The following USP17L7 variants were observed in gnomAD, a reference collection of about 807,000 sequenced individuals.
USP17L7 encodes the protein inactive ubiquitin carboxyl-terminal hydrolase 17-like protein 7.
A neutral mutation model predicts 37.6 loss-of-function variants in USP17L7; 53 were observed. The ratio of observed to expected loss-of-function variants is 1.41; its 90% confidence interval spans 1.13 to 1.77. The LOEUF is 1.77. Ranked by LOEUF, USP17L7 falls within the 40% of genes most tolerant of loss-of-function variation. The pLI is 0.00. For synonymous variants in USP17L7, 330 were observed against 251.0 expected, an observed-to-expected ratio of 1.31 and a Z score of -2.98; for missense variants, 914 against 645.0, an observed-to-expected ratio of 1.42 and a Z score of -4.52.
rs1389650747 is a variant in USP17L7 at position 12,133,997 on chromosome 8, A to T, written c.13T>A (p.Ser5Thr). Residue 5 changes from serine to threonine, a missense_variant, in exon 1 of 1, where the codon TCA (serine) becomes ACA (threonine). Ser to Thr is a moderately conservative substitution (Grantham distance 58). Transcript: ENST00000530447. Reference protein sequence around the residue: MEDDSLYLGGDWQFN... With the variant: MEDDTLYLGGDWQFN... ...TGCCAGTCACCTCCCAAATAGAGTG[A>T]GTCGTCTTCCATGTCGCCCGCAACA... 9.3e-7 allele frequency: 1 copy of T among 1,070,130 alleles called. No individual in the cohort carries two copies. Among genetic ancestry groups the T allele is most frequent in the Non-Finnish European group, 1.4e-6 (1 of 712,068 alleles). 66.3% of individuals were successfully genotyped at this position (1,070,130 alleles called of 1,614,324 possible).
At position 12,133,231 on chromosome 8, in the gene USP17L7, T is replaced by A; in HGVS notation, c.779A>T (p.Lys260Met). The change falls in exon 1 of 1, where the codon AAG becomes ATG. Residue 260 changes from lysine to methionine, a missense_variant. Coordinates refer to ENST00000530447, the MANE Select transcript of USP17L7 (RefSeq NM_001256869.2). ...NAYHCGLCLQ[K>M]APASKTLTLP... Reference sequence around the variant, plus strand: ...AGTTAACGTCTTGGAGGCAGGCGCCTTCTGGAGACAAAGACCACAATGATA... The same window carrying A: ...AGTTAACGTCTTGGAGGCAGGCGCCATCTGGAGACAAAGACCACAATGATA... 1 of 1,503,992 alleles carries A rather than the reference T, an allele frequency of 6.6e-7. No homozygotes were observed. The highest frequency in any genetic ancestry group is 2.6e-5 in the East Asian group (1 of 38,558). The allele number at this position is 1,503,992 out of a possible 1,614,324, so 93.2% of individuals were successfully genotyped here.
rs1803038180 is a variant in USP17L7, at chr8:12,133,569, C to A, written c.441G>T (p.Gln147His). The change falls in exon 1 of 1, where the codon CAG becomes CAT. Residue 147 changes from glutamine to histidine, a missense_variant. Gln to His is a conservative substitution (Grantham distance 24). Transcript: ENST00000530447. Reference sequence around the variant, plus strand: ...CTCTATGGAAGCCAGCAGCCAATACCTGTGAGGGCTGGATGACATGGCCAG... The same window carrying A: ...CTCTATGGAAGCCAGCAGCCAATACATGTGAGGGCTGGATGACATGGCCAG... The part of the protein sequence containing the change: ...HSPGHVIQPS[Q>H]VLAAGFHRGE... 1 of 1,376,014 alleles carries A rather than the reference C, an allele frequency of 7.3e-7. No homozygotes were observed. Among genetic ancestry groups the A allele is most frequent in the Non-Finnish European group, 1.0e-6 (1 of 989,610 alleles). The allele number at this position is 1,376,014 out of a possible 1,614,324, so 85.2% of individuals were successfully genotyped here.
chr8:12,133,815 C>T lies in USP17L7; in HGVS notation c.195G>A (p.Arg65=). 6.5e-7 allele frequency: 1 copy of T among 1,528,560 alleles called. No homozygotes were observed. Among genetic ancestry groups the T allele is most frequent in the Non-Finnish European group, 8.9e-7 (1 of 1,126,386 alleles). The allele number at this position is 1,528,560 out of a possible 1,614,324, so 94.7% of individuals were successfully genotyped here. ...LAPVARQLAP[R]EKLPLSSRRP... is the part of the protein sequence containing the mutation. ...TCCTGCTACTCAGAGGAAGCTTCTCCCTGGGAGCAAGCTGTCTTGCCACAG... is the reference window on the plus strand; with the variant it reads ...TCCTGCTACTCAGAGGAAGCTTCTCTCTGGGAGCAAGCTGTCTTGCCACAG... Residue 65 remains arginine, a synonymous_variant, in exon 1 of 1, where the codon AGG becomes AGA. Transcript: ENST00000530447.
chr8:12,133,174 A>G lies in USP17L7; in HGVS notation c.836T>C (p.Val279Ala), dbSNP rs773792448. The change falls in exon 1 of 1, where the codon GTA becomes GCA. Residue 279 changes from valine (V) to alanine (A), a missense_variant. Transcript: ENST00000530447. The part of the protein sequence containing the change: ...LPTSAKVLIL[V>A]LKRFSDVTGN... ...TGTGACATCGGAGAATCTCTTCAAT[A>G]CAAGAATGAGGACCTTGGCAGAAGT... 1.3e-6 allele frequency: 2 copies of G among 1,511,578 alleles called. No individual in the cohort carries two copies. The highest frequency in any genetic ancestry group is 5.2e-5 in the East Asian group (2 of 38,770). 93.6% of individuals were successfully genotyped at this position (1,511,578 alleles called of 1,614,324 possible).
At position 12,134,075 on chromosome 8, in the gene USP17L7, C is replaced by G; in HGVS notation, c.-66G>C. 2.5e-6 allele frequency: 2 copies of G among 814,994 alleles called. No homozygotes were observed. Among genetic ancestry groups the G allele is most frequent in the South Asian group, 1.5e-5 (1 of 67,678 alleles). 50.5% of individuals were successfully genotyped at this position (814,994 alleles called of 1,614,324 possible). A position where few individuals can be genotyped will look rare whatever the true frequency, so the allele number is the denominator to read the frequency against. The stretch of plus-strand genomic sequence containing the variant: ...CGCAGGTTGCAGCAAGACGCTATCT[C>G]TTCCGAGAGAGTCTTCAAATGACCA... On this transcript the variant is annotated 5_prime_UTR_variant, in exon 1 of 1. Coordinates refer to ENST00000530447, the MANE Select transcript of USP17L7 (RefSeq NM_001256869.2).
In USP17L7 at chr8:12,133,220, A is replaced by C. The variant is rs763041128; in HGVS notation, c.790T>G (p.Ser264Ala). The C allele has an allele frequency of 1.3e-5, 20 of 1,502,324 alleles. 1 individual carries two copies. The highest frequency in any genetic ancestry group is 4.2e-5 in the African/African-American group (3 of 71,452). The allele number at this position is 1,502,324 out of a possible 1,614,324, so 93.1% of individuals were successfully genotyped here. ...GAAGTGGGTAAAGTTAACGTCTTGG[A>C]GGCAGGCGCCTTCTGGAGACAAAGA... ...CGLCLQKAPA[S>A]KTLTLPTSAK... The change falls in exon 1 of 1, where the codon TCC becomes GCC. Residue 264 changes from serine to alanine, a missense_variant. Physicochemically the swap from Ser to Ala is moderately conservative, Grantham distance 99. Coordinates refer to ENST00000530447, the MANE Select transcript of USP17L7 (RefSeq NM_001256869.2).
chr8:12,132,498 T>A lies in USP17L7; in HGVS notation c.1512A>T (p.Thr504=), dbSNP rs559508834. ...PTDQESMNTG[T]LASLQGSTRR... is the part of the protein sequence containing the mutation. ...TGGTGCTCCCTTGCAGAGAAGCGAG[T>A]GTGCCAGTGTTCATGGACTCCTGAT... The change falls in exon 1 of 1, where the codon ACA becomes ACT. Residue 504 remains threonine (T), a synonymous_variant. Transcript: ENST00000530447. 463 of 1,469,894 alleles carry A rather than the reference T, an allele frequency of 3.1e-4. 26 individuals carry two copies. Among genetic ancestry groups the A allele is most frequent in the Non-Finnish European group, 3.7e-4 (393 of 1,074,578 alleles). 91.1% of individuals were successfully genotyped at this position (1,469,894 alleles called of 1,614,324 possible).
Position 12,133,389 on chromosome 8 carries a change from A to T in USP17L7, c.621T>A (p.Tyr207Ter). 1 of 1,462,404 alleles carries T rather than the reference A, an allele frequency of 6.8e-7. No homozygotes were observed. The highest frequency in any genetic ancestry group is 9.3e-7 in the Non-Finnish European group (1 of 1,074,060). The allele number at this position is 1,462,404 out of a possible 1,614,324, so 90.6% of individuals were successfully genotyped here. Residue 207 changes from tyrosine to a stop codon, truncating the protein, a stop_gained, in exon 1 of 1, where the codon TAT (tyrosine) becomes TAA (stop). Coordinates refer to ENST00000530447, the MANE Select transcript of USP17L7 (RefSeq NM_001256869.2). LOFTEE classifies it high-confidence loss of function. ...TGTCTGAAACGCCGTGGCAGTGGAGATACTTGATTTGAGATCTCCAATACG... is the reference window on the plus strand; with the variant it reads ...TGTCTGAAACGCCGTGGCAGTGGAGTTACTTGATTTGAGATCTCCAATACG... ...FGAYWRSQIK[Y>*]LHCHGVSDTF...
In USP17L7 at chr8:12,132,594, C is replaced by T; in HGVS notation, c.1416G>A (p.Lys472=). 2.0e-6 allele frequency: 3 copies of T among 1,532,328 alleles called. No individual in the cohort carries two copies. The highest frequency in any genetic ancestry group is 2.5e-5 in the South Asian group (2 of 81,234). 94.9% of individuals were successfully genotyped at this position (1,532,328 alleles called of 1,614,324 possible). A position where few individuals can be genotyped will look rare whatever the true frequency, so the allele number is the denominator to read the frequency against. The change falls in exon 1 of 1, where the codon AAG becomes AAA. Residue 472 remains lysine, a synonymous_variant. Transcript: ENST00000530447. ...CAGGATGATGGTTTTTCATACCACA[C>T]TTGTATTTTGATTGATGAATCACAA... is the stretch of plus-strand genomic sequence containing the variant. ...NVLVIHQSKY[K]CGMKNHHPEQ... is the part of the protein sequence containing the mutation.
rs1392750727 is a variant in USP17L7 at position 12,133,430 on chromosome 8, G to A, written c.580C>T (p.His194Tyr). The change falls in exon 1 of 1, where the codon CAC becomes TAC. Residue 194 changes from histidine (H) to tyrosine (Y), a missense_variant. Coordinates refer to ENST00000530447, the MANE Select transcript of USP17L7 (RefSeq NM_001256869.2). ...CTCCAATACGCTCCAAATATTTGGT[G>A]GATGAGGGTGGTGTCCTTGGAGTGA... is the stretch of plus-strand genomic sequence containing the variant. ...DHHSKDTTLI[H>Y]QIFGAYWRSQ... The A allele has an allele frequency of 6.9e-7, 1 of 1,458,032 alleles. No homozygotes were observed. The allele number at this position is 1,458,032 out of a possible 1,614,324, so 90.3% of individuals were successfully genotyped here. A position where few individuals can be genotyped will look rare whatever the true frequency, so the allele number is the denominator to read the frequency against.
rs759649600 is a variant in USP17L7 at position 12,133,595 on chromosome 8, G to A, written c.415C>T (p.Pro139Ser). ...TGTGAGGGCTGGATGACATGGCCAG[G>A]ACTGTGGAGGGCCCATGTGATGTGA... ...QAHITWALHS[P>S]GHVIQPSQVL... The change falls in exon 1 of 1, where the codon CCT (proline) becomes TCT (serine). Residue 139 changes from proline to serine, a missense_variant. By Grantham distance (74) the Pro-to-Ser change is moderately conservative. Coordinates refer to ENST00000530447, the MANE Select transcript of USP17L7 (RefSeq NM_001256869.2). The A allele has an allele frequency of 3.0e-5, 39 of 1,300,158 alleles. 3 individuals are homozygous for A. The highest frequency in any genetic ancestry group is 2.8e-4 in the African/African-American group (19 of 67,684). 80.5% of individuals were successfully genotyped at this position (1,300,158 alleles called of 1,614,324 possible).
Position 12,133,325 on chromosome 8 carries a change from C to A in USP17L7, c.685G>T (p.Ala229Ser), listed in dbSNP as rs546256179. 1.3e-6 allele frequency: 2 copies of A among 1,509,180 alleles called. No homozygotes were observed. Among genetic ancestry groups the A allele is most frequent in the Non-Finnish European group, 1.8e-6 (2 of 1,114,852 alleles). 93.5% of individuals were successfully genotyped at this position (1,509,180 alleles called of 1,614,324 possible). The change falls in exon 1 of 1, where the codon GCA becomes TCA. Residue 229 changes from alanine (A) to serine (S), a missense_variant. By Grantham distance (99) the Ala-to-Ser change is moderately conservative. Coordinates refer to ENST00000530447, the MANE Select transcript of USP17L7 (RefSeq NM_001256869.2). Reference sequence around the variant, plus strand: ...AAAGCTTGCTTGACACTCTGAGCTGCCTGGATATCCAGGGCGATGTCCAGG... The same window carrying A: ...AAAGCTTGCTTGACACTCTGAGCTGACTGGATATCCAGGGCGATGTCCAGG... ...PYLDIALDIQAAQSVKQALEQ... is the reference protein window; with the variant it reads ...PYLDIALDIQSAQSVKQALEQ...
In USP17L7 at chr8:12,132,935, T is replaced by A; in HGVS notation, c.1075A>T (p.Ile359Phe). Residue 359 changes from isoleucine to phenylalanine, a missense_variant, in exon 1 of 1, where the codon ATC becomes TTC. Coordinates refer to ENST00000530447, the MANE Select transcript of USP17L7 (RefSeq NM_001256869.2). ...GCCTGTTGACTCAGGACAGAGGTGA[T>A]GCCAGAGGCAGTGACCTCGGCATCA... ...MDDAEVTASG[I>F]TSVLSQQAYV... is the part of the protein sequence containing the mutation. 1 of 1,529,704 alleles carries A rather than the reference T, an allele frequency of 6.5e-7. No individual in the cohort carries two copies. The highest frequency in any genetic ancestry group is 8.9e-7 in the Non-Finnish European group (1 of 1,125,082). 94.8% of individuals were successfully genotyped at this position (1,529,704 alleles called of 1,614,324 possible). A position where few individuals can be genotyped will look rare whatever the true frequency, so the allele number is the denominator to read the frequency against.
chr8:12,133,954 T>A lies in USP17L7; in HGVS notation c.56A>T (p.Lys19Ile), dbSNP rs769916138. The part of the protein sequence containing the change: ...GGDWQFNHFS[K>I]LTSSRLDAAF... ...TGCATCTAGCCGAGAAGATGTGAGT[T>A]TTGAAAAGTGATTGAACTGCCAGTC... Residue 19 changes from lysine to isoleucine, a missense_variant, in exon 1 of 1, where the codon AAA becomes ATA. Transcript: ENST00000530447. The A allele has an allele frequency of 2.3e-6, 3 of 1,317,360 alleles. No homozygotes were observed. Among genetic ancestry groups the A allele is most frequent in the South Asian group, 1.3e-5 (1 of 75,622 alleles). The allele number at this position is 1,317,360 out of a possible 1,614,324, so 81.6% of individuals were successfully genotyped here.
In USP17L7 at chr8:12,133,423, A is replaced by G. The variant is rs773921902; in HGVS notation, c.587T>C (p.Ile196Thr). Residue 196 changes from isoleucine (I) to threonine (T), a missense_variant, in exon 1 of 1, where the codon ATA becomes ACA. Physicochemically the swap from Ile to Thr is moderately conservative, Grantham distance 89 (BLOSUM62 -1). Transcript: ENST00000530447. ...TTGAGATCTCCAATACGCTCCAAAT[A>G]TTTGGTGGATGAGGGTGGTGTCCTT... ...HSKDTTLIHQ[I>T]FGAYWRSQIK... The G allele has an allele frequency of 1.4e-6, 2 of 1,457,688 alleles. No homozygotes were observed. Among genetic ancestry groups the G allele is most frequent in the Non-Finnish European group, 1.9e-6 (2 of 1,069,024 alleles). The allele number at this position is 1,457,688 out of a possible 1,614,324, so 90.3% of individuals were successfully genotyped here.
At position 12,133,771 on chromosome 8, in the gene USP17L7, G is replaced by A. The variant is rs756090163; in HGVS notation, c.239C>T (p.Ala80Val). 5 of 1,483,396 alleles carry A rather than the reference G, an allele frequency of 3.4e-6. 1 individual carries two copies. The highest frequency in any genetic ancestry group is 1.3e-5 in the South Asian group (1 of 79,824). The allele number at this position is 1,483,396 out of a possible 1,614,324, so 91.9% of individuals were successfully genotyped here. ...GGTATTTCCTATCTTCTGGAGCCCAGCCCCCACCGCAGCAGGTCTCCTGCT... is the reference window on the plus strand; with the variant it reads ...GGTATTTCCTATCTTCTGGAGCCCAACCCCCACCGCAGCAGGTCTCCTGCT... ...LSSRRPAAVG[A>V]GLQKIGNTFY... The change falls in exon 1 of 1, where the codon GCT becomes GTT. Residue 80 changes from alanine to valine, a missense_variant. Transcript: ENST00000530447.
At position 12,133,846 on chromosome 8, in the gene USP17L7, A is replaced by G; in HGVS notation, c.164T>C (p.Leu55Ser). The change falls in exon 1 of 1, where the codon TTG becomes TCG. Residue 55 changes from leucine (L) to serine (S), a missense_variant. Physicochemically the swap from Leu to Ser is moderately radical, Grantham distance 145. Transcript: ENST00000530447. ...SETRFDLCDD[L>S]APVARQLAPR... ...AGCAAGCTGTCTTGCCACAGGAGCCAAATCATCACAGAGGTCGAAACGGGT... is the reference window on the plus strand; with the variant it reads ...AGCAAGCTGTCTTGCCACAGGAGCCGAATCATCACAGAGGTCGAAACGGGT... The G allele has an allele frequency of 2.0e-6, 3 of 1,527,502 alleles. No individual in the cohort carries two copies. Among genetic ancestry groups the G allele is most frequent in the Non-Finnish European group, 1.8e-6 (2 of 1,125,358 alleles). 94.6% of individuals were successfully genotyped at this position (1,527,502 alleles called of 1,614,324 possible).
Position 12,133,528 on chromosome 8 carries a change from G to A in USP17L7, c.482C>T (p.Ala161Val), listed in dbSNP as rs17815120. Residue 161 changes from alanine (A) to valine (V), a missense_variant, in exon 1 of 1, where the codon GCC becomes GTC. Coordinates refer to ENST00000530447, the MANE Select transcript of USP17L7 (RefSeq NM_001256869.2). ...CACAGTAAACATGAGAAATTCATGG[G>A]CATCCTCCTGCTCACCTCTATGGAA... ...AGFHRGEQEDAHEFLMFTVDA... is the reference protein window; with the variant it reads ...AGFHRGEQEDVHEFLMFTVDA... 769 of 1,447,384 alleles carry A rather than the reference G, an allele frequency of 5.3e-4. 41 individuals are homozygous for A. The African/African-American group carries it at 9.6e-3, about 18-fold the overall frequency. The allele number at this position is 1,447,384 out of a possible 1,614,324, so 89.7% of individuals were successfully genotyped here. A position where few individuals can be genotyped will look rare whatever the true frequency, so the allele number is the denominator to read the frequency against.
Position 12,133,551 on chromosome 8 carries a change from G to T in USP17L7, c.459C>A (p.Phe153Leu), listed in dbSNP as rs748631445. ...GGGCATCCTCCTGCTCACCTCTATG[G>T]AAGCCAGCAGCCAATACCTGTGAGG... The part of the protein sequence containing the change: ...IQPSQVLAAG[F>L]HRGEQEDAHE... The change falls in exon 1 of 1, where the codon TTC becomes TTA. Residue 153 changes from phenylalanine (F) to leucine (L), a missense_variant. Transcript: ENST00000530447. 5 of 1,423,742 alleles carry T rather than the reference G, an allele frequency of 3.5e-6. No homozygotes were observed. Among genetic ancestry groups the T allele is most frequent in the Non-Finnish European group, 4.8e-6 (5 of 1,033,364 alleles). The allele number at this position is 1,423,742 out of a possible 1,614,324, so 88.2% of individuals were successfully genotyped here.
Sources: allele counts gnomAD v4.1 joint callset, GRCh38; gene constraint gnomAD v4.1.1; transcripts MANE v1.5; gene names NCBI Gene and HGNC (gene_info 2026-07-23, HGNC 2026-07-21).